ERN1: variants seen among roughly 807,000 people sequenced by gnomAD.
ERN1 encodes the protein endoplasmic reticulum to nucleus signaling 1.
Under a neutral mutation model 113.1 loss-of-function variants are expected in ERN1, and 39 were observed. The ratio of observed to expected loss-of-function variants is 0.34; its 90% CI spans 0.27 to 0.45. The LOEUF is 0.45. Among genes scored for constraint, ERN1 ranks in the 20% least tolerant of loss-of-function variants. The probability of loss-of-function intolerance (pLI) is 1.00; values close to 1 mark genes in which losing one functional copy is unlikely to be tolerated. For missense variants in ERN1, 976 were observed against 1,274.8 expected, an observed-to-expected ratio of 0.77 and a Z score of 3.57; for synonymous variants, 507 against 515.9, an observed-to-expected ratio of 0.98 and a Z score of 0.23.
chr17:64,058,918 T>G (rs1352782177), intron 11 of ERN1, among the ~76,000 whole-genome samples: 1 of 152,096 alleles, frequency 6.6e-6, no homozygotes, highest in Non-Finnish European at 1.5e-5. Flanking sequence ...GCAGAGTATA[T>G]AGGAAGCACC....
At chr17:64,120,853 C>T (rs1387441905) in intron 1 of ERN1, among the ~76,000 whole-genome samples, 1 of 152,154 alleles carries the variant, frequency 6.6e-6, no homozygotes, top group African/African-American at 2.4e-5. Flanking sequence ...TACCTCCCAC[C>T]CCCATCCACA....
intron 1 of ERN1, among the ~76,000 whole-genome samples, chr17:64,119,010 T>C (rs1250910318): frequency 3.9e-5 from 6 of 152,212 alleles, no homozygotes; most frequent in Non-Finnish European, 8.8e-5. Flanking sequence ...GCAATGGCTA[T>C]TTCATTTTTG....
At chr17:64,099,580 T>C (rs2143456635) in intron 1 of ERN1, among the ~76,000 whole-genome samples, 1 of 152,266 alleles carries the variant, frequency 6.6e-6, no homozygotes, top group African/African-American at 2.4e-5. Context: ...GTTTGAATTC[T>C]GGCACAAATG....
In ERN1 at chr17:64,088,771, C is replaced by T. The variant is rs546644142; in HGVS notation, c.176-7963G>A. On this transcript the variant is annotated intron_variant, in intron 2 of 21. Coordinates refer to ENST00000433197, the MANE Select transcript of ERN1 (RefSeq NM_001433.5). ...ACCACAGGCTTTCCTAGGTGGGGAC[C>T]GGAATACTCGGAGCAGAAAACCCTC... Among the ~76,000 whole-genome samples, 37 of 152,194 alleles carry T rather than the reference C, an allele frequency of 2.4e-4. No individual in the cohort carries two copies. In the South Asian group the frequency reaches 3.5e-3, roughly 15 times the overall value.
rs772324642 is a variant in ERN1, at chr17:64,054,301, G to C, written c.1902C>G (p.Asp634Glu). Residue 634 changes from aspartate to glutamate, a missense_variant, in exon 15 of 22, where the codon GAC (aspartate) becomes GAG (glutamate). Physicochemically the swap from Asp to Glu is conservative, Grantham distance 45. Transcript: ENST00000433197. The surrounding 1 kb of genome is among the most constrained non-coding windows in gnomAD (Gnocchi z 4.9). ...CGATGGCAATGTACTGGAATTGCCG[G>C]TCCTTCTCCGTGCAGAAGTAGCGGA... is the stretch of plus-strand genomic sequence containing the variant. Reference protein sequence around the residue: ...NVIRYFCTEKDRQFQYIAIEL... With the variant: ...NVIRYFCTEKERQFQYIAIEL... 5.0e-6 allele frequency: 8 copies of C among 1,613,860 alleles called. No homozygotes were observed. Among genetic ancestry groups the C allele is most frequent in the Non-Finnish European group, 6.8e-6 (8 of 1,179,852 alleles).
In ERN1 at chr17:64,117,179, A is replaced by G. The variant is rs866193489; in HGVS notation, c.54+12797T>C. Among the ~76,000 whole-genome samples the G allele has an allele frequency of 2.8e-4, 42 of 152,252 alleles. 1 individual carries two copies. The Middle Eastern group carries it at 0.01, about 37-fold the overall frequency. On this transcript the variant is annotated intron_variant, in intron 1 of 21. Transcript: ENST00000433197. ...ACAATGTGGCCAGGCGCAGTGGCTC[A>G]TGCCTGTAACCCCAGCACTTTGGGA...
chr17:64,091,299 T>C (rs554779487), intron 2 of ERN1, among the ~76,000 whole-genome samples: 5 of 152,252 alleles, frequency 3.3e-5, no homozygotes, highest in Middle Eastern at 3.4e-3. Flanking sequence ...GAAACTGTCA[T>C]GACTATGATA....
At chr17:64,117,310 G>A (rs1914834357) in intron 1 of ERN1, among the ~76,000 whole-genome samples, 1 of 151,474 alleles carries the variant, frequency 6.6e-6, no homozygotes, top group African/African-American at 2.4e-5. Context: ...GGGCGTATTG[G>A]CACATGGCTG....
intron 1 of ERN1, among the ~76,000 whole-genome samples, chr17:64,107,532 G>C (rs1199236822): frequency 6.6e-6 from 1 of 151,996 alleles, no homozygotes. Context: ...ATGTTGCCCA[G>C]GCTGGTGTTG....
rs1914173342 is a variant in ERN1, at chr17:64,094,441, T to C, written c.175+3680A>G. Among the ~76,000 whole-genome samples, 3 of 152,324 alleles carry C rather than the reference T, an allele frequency of 2.0e-5. 1 individual carries two copies. The South Asian group carries it at 6.2e-4, about 32-fold the overall frequency. On this transcript the variant is annotated intron_variant, in intron 2 of 21. Coordinates refer to ENST00000433197, the MANE Select transcript of ERN1 (RefSeq NM_001433.5). Reference sequence around the variant, plus strand: ...ATATGTTTATTTCTTTTTGAAACTGTGTATACGTAGTTTACTGACTATAAA... The same window carrying C: ...ATATGTTTATTTCTTTTTGAAACTGCGTATACGTAGTTTACTGACTATAAA...
At chr17:64,114,399 A>G (rs1914752438) in intron 1 of ERN1, among the ~76,000 whole-genome samples, 1 of 152,250 alleles carries the variant, frequency 6.6e-6, no homozygotes, top group Non-Finnish European at 1.5e-5. Flanking sequence ...GGGGAAGCAC[A>G]GTGTTAAAAA....
At chr17:64,057,188 A>T (rs1295612810) in intron 12 of ERN1, among the ~76,000 whole-genome samples, 1 of 152,170 alleles carries the variant, frequency 6.6e-6, no homozygotes, top group Non-Finnish European at 1.5e-5. Context: ...GTCTTCATCT[A>T]TTATCCTTAT....
rs908551365 is a variant in ERN1 at position 64,054,986 on chromosome 17, C to T, written c.1673-158G>A. On this transcript the variant is annotated intron_variant, in intron 13 of 21. Coordinates refer to ENST00000433197, the MANE Select transcript of ERN1 (RefSeq NM_001433.5). This position sits in a 1 kb window ranked among gnomAD's most constrained non-coding sequence, Gnocchi z 4.9. ...GCTCAGCAAGAGCCTGCCAGGCCCA[C>T]TCCCCATGTACACCCAGGACTGCCT... Among the ~76,000 whole-genome samples the T allele has an allele frequency of 6.6e-6, 1 of 152,226 alleles. No individual in the cohort carries two copies. Among genetic ancestry groups the T allele is most frequent in the Non-Finnish European group, 1.5e-5 (1 of 68,030 alleles).
chr17:64,073,004 AT>A (rs34253228), intron 5 of ERN1, among the ~76,000 whole-genome samples: 68,965 of 128,926 alleles, frequency 0.53, 20,720 homozygotes, highest in South Asian at 0.71. Context: ...AGCCTTTGAA[AT>A]TTTTTTTTTT....
intron 1 of ERN1, among the ~76,000 whole-genome samples, chr17:64,112,355 G>T (rs1374787885): frequency 6.9e-6 from 1 of 145,458 alleles, no homozygotes; most frequent in African/African-American, 2.6e-5. Flanking sequence ...GCGACAGACC[G>T]AGACTCTGTC....
intron 2 of ERN1, among the ~76,000 whole-genome samples, chr17:64,094,385 C>T (rs193252611): frequency 2.0e-4 from 30 of 152,210 alleles, no homozygotes; most frequent in African/African-American, 6.7e-4. Context: ...AAATACTTTC[C>T]TATTATTTGT....
chr17:64,060,712 T>C, intron 10 of ERN1, 125 bp from the exon 11 acceptor site: 2 of 665,660 alleles, frequency 3.0e-6, no homozygotes, highest in South Asian at 3.7e-5. Flanking sequence ...AGCAGGACTG[T>C]GAGTTAGAGA....
chr17:64,049,250 C>T lies in ERN1; in HGVS notation c.2254-48G>A, dbSNP rs1222967565. The T allele has an allele frequency of 2.6e-6, 4 of 1,522,344 alleles. No homozygotes were observed. The highest frequency in any genetic ancestry group is 3.6e-6 in the Non-Finnish European group (4 of 1,123,266). The allele number at this position is 1,522,344 out of a possible 1,614,324, so 94.3% of individuals were successfully genotyped here. On this transcript the variant is annotated intron_variant, in intron 17 of 21. Transcript: ENST00000433197. The surrounding 1 kb of genome is among the most constrained non-coding windows in gnomAD (Gnocchi z 4.7). ...AGAGGTCTGGGAGCAGAGTTTTCAT[C>T]CTCACTCACAGTCAGGGAGGGAGGA...
intron 7 of ERN1, chr17:64,067,989 C>T (rs891348757): frequency 1.7e-5 from 9 of 516,266 alleles, no homozygotes; most frequent in Non-Finnish European, 2.4e-5. Flanking sequence ...CATTTTACTT[C>T]GGTTTCCCTT....
Sources: gnomAD v4.1 joint callset for allele counts (sites outside exome capture counted in the v4.1 genomes callset) on GRCh38, gnomAD v4.1.1 for gene constraint, Gnocchi (gnomAD v3.1) non-coding constraint, MANE v1.5 for transcripts, NCBI Gene and HGNC (gene_info 2026-07-23, HGNC 2026-07-21) for gene names.